FAM171A1: variants seen among roughly 807,000 people sequenced by gnomAD.
FAM171A1 encodes the protein family with sequence similarity 171 member A1.
Under a neutral mutation model 74.9 loss-of-function variants are expected in FAM171A1, and 23 were observed. That is an observed-to-expected ratio of 0.31 (90% confidence interval 0.22 to 0.44). The LOEUF (loss-of-function observed/expected upper bound fraction) is 0.44. Among genes scored for constraint, FAM171A1 ranks in the 20% least tolerant of loss-of-function variants. The pLI is 1.00. For synonymous variants in FAM171A1, 527 were observed against 505.7 expected (o/e 1.04, Z -0.57); for missense variants, 1,162 against 1,159.2 (o/e 1.00, Z -0.03).
intron 1 of FAM171A1, among the ~76,000 whole-genome samples, chr10:15,356,482 G>A (rs868219439): frequency 6.6e-6 from 1 of 152,080 alleles, no homozygotes. Flanking sequence ...GAAAAATATT[G>A]TCCATGGAAG....
intron 1 of FAM171A1, among the ~76,000 whole-genome samples, chr10:15,358,293 G>C (rs938965625): frequency 1.3e-5 from 2 of 152,014 alleles, no homozygotes; most frequent in Non-Finnish European, 2.9e-5. Context: ...TTTTTAAAAA[G>C]AAAGAAAAAT....
intron 5 of FAM171A1, among the ~76,000 whole-genome samples, chr10:15,224,840 G>C (rs1028346855): frequency 1.3e-5 from 2 of 152,120 alleles, no homozygotes; most frequent in African/African-American, 4.8e-5. Context: ...GACTAATACA[G>C]TCCCCAACCC....
At chr10:15,292,092 C>T (rs1482318380) in intron 1 of FAM171A1, among the ~76,000 whole-genome samples, 4 of 152,098 alleles carry the variant, frequency 2.6e-5, no homozygotes, top group African/African-American at 9.7e-5. Context: ...GGTGAGGGCT[C>T]ACCTTTTCAC....
intron 5 of FAM171A1, among the ~76,000 whole-genome samples, chr10:15,233,323 A>C (rs189135275): frequency 1.8e-4 from 28 of 151,660 alleles, no homozygotes; most frequent in African/African-American, 6.5e-4. Context: ...AAACAAAAAA[A>C]CATTTTTTTT....
rs559398047 is a variant in FAM171A1 at position 15,371,243 on chromosome 10, C to CGCG, written c.-194_-192dup. Among the ~76,000 whole-genome samples, 61,739 of 141,568 alleles carry CGCG rather than the reference C, an allele frequency of 0.44. 15,623 individuals carry two copies. The highest frequency in any genetic ancestry group is 0.68 in the East Asian group (2,974 of 4,386). The allele number at this position is 141,568 out of a possible 152,430, so 92.9% of individuals were successfully genotyped here. ...CCCGCGCCGGGTTTCCCCGAAGAGC[C>CGCG]GCGGCGGCGGCGGCGGCGGCGGCTG... On this transcript the variant is annotated 5_prime_UTR_variant, in exon 1 of 8. Coordinates refer to ENST00000378116, the MANE Select transcript of FAM171A1 (RefSeq NM_001010924.2).
intron 1 of FAM171A1, among the ~76,000 whole-genome samples, chr10:15,297,683 A>G (rs1339484583): frequency 1.3e-5 from 2 of 152,212 alleles, no homozygotes; most frequent in African/African-American, 4.8e-5. Flanking sequence ...TTTCTACTTT[A>G]TTTGAGTGAT....
chr10:15,217,254 A>G (rs566787452), intron 6 of FAM171A1, among the ~76,000 whole-genome samples: 1 of 152,292 alleles, frequency 6.6e-6, no homozygotes, highest in East Asian at 1.9e-4. Context: ...CCAACATTCC[A>G]ATATTTAGGT....
intron 5 of FAM171A1, among the ~76,000 whole-genome samples, chr10:15,228,630 C>T (rs79504176): frequency 0.042 from 6,353 of 152,262 alleles, 179 homozygotes; most frequent in East Asian, 0.18. Context: ...TGCAGGCGTG[C>T]GCCCCGCGCC....
At chr10:15,228,701 C>G (rs1024295792) in intron 5 of FAM171A1, among the ~76,000 whole-genome samples, 1 of 152,200 alleles carries the variant, frequency 6.6e-6, no homozygotes, top group Admixed American at 6.5e-5. Context: ...GAACACTGGG[C>G]AGATAAACAC....
chr10:15,301,820 A>T (rs1835233315), intron 1 of FAM171A1, among the ~76,000 whole-genome samples: 1 of 152,190 alleles, frequency 6.6e-6, no homozygotes, highest in Non-Finnish European at 1.5e-5. Context: ...AAACCATGCC[A>T]GGCTGGCTCA....
chr10:15,316,972 C>G (rs1835429429), intron 1 of FAM171A1, among the ~76,000 whole-genome samples: 1 of 151,872 alleles, frequency 6.6e-6, no homozygotes, highest in Non-Finnish European at 1.5e-5. Flanking sequence ...GATGCAAGGA[C>G]TGAAGAGTTC....
intron 6 of FAM171A1, among the ~76,000 whole-genome samples, chr10:15,219,073 A>C (rs780981835): frequency 4.3e-4 from 65 of 152,290 alleles, no homozygotes; most frequent in Middle Eastern, 3.4e-3. Flanking sequence ...ACCGGAGGTC[A>C]GAAGTTCAAG....
intron 2 of FAM171A1, among the ~76,000 whole-genome samples, chr10:15,280,944 G>T (rs1834960640): frequency 6.6e-6 from 1 of 152,192 alleles, no homozygotes; most frequent in Admixed American, 6.5e-5. Context: ...CTGCGTCCCT[G>T]CCCAAATCTC....
chr10:15,248,550 A>G, intron 5 of FAM171A1, 89 bp downstream of exon 5: 1 of 1,393,384 alleles, frequency 7.2e-7, no homozygotes, highest in Non-Finnish European at 9.7e-7. Flanking sequence ...ACTTCAAGGA[A>G]AGGAGACTTC....
chr10:15,214,174 T>C lies in FAM171A1; in HGVS notation c.1414A>G (p.Met472Val). 3.1e-6 allele frequency: 5 copies of C among 1,614,170 alleles called. No individual in the cohort carries two copies. The highest frequency in any genetic ancestry group is 1.3e-5 in the African/African-American group (1 of 75,038). Reference protein sequence around the residue: ...EVFPLKARKSMEREGYESSGN... With the variant: ...EVFPLKARKSVEREGYESSGN... The stretch of plus-strand genomic sequence containing the variant: ...GAGGACTCGTAGCCTTCTCTTTCCA[T>C]AGATTTTCTTGCCTTTAAGGGAAAA... The change falls in exon 8 of 8, where the codon ATG (methionine) becomes GTG (valine). Residue 472 changes from methionine (M) to valine (V), a missense_variant. Transcript: ENST00000378116.
intron 1 of FAM171A1, among the ~76,000 whole-genome samples, chr10:15,365,283 C>G (rs1049174594): frequency 6.6e-6 from 1 of 152,122 alleles, no homozygotes; most frequent in African/African-American, 2.4e-5. Flanking sequence ...AGCAGGAATG[C>G]CGGGCTGCAG....
chr10:15,304,301 T>C (rs747307582), intron 1 of FAM171A1, among the ~76,000 whole-genome samples: 2 of 152,198 alleles, frequency 1.3e-5, no homozygotes, highest in African/African-American at 2.4e-5. Context: ...ATGTAGGGAC[T>C]GCCCCTCCCA....
chr10:15,282,337 C>T (rs1009885539), intron 2 of FAM171A1, among the ~76,000 whole-genome samples: 2 of 152,124 alleles, frequency 1.3e-5, no homozygotes, highest in South Asian at 2.1e-4. Flanking sequence ...CAGCTTTGTT[C>T]GGGCATGAGT....
intron 1 of FAM171A1, among the ~76,000 whole-genome samples, chr10:15,355,113 G>A (rs1309515892): frequency 6.6e-6 from 1 of 152,198 alleles, no homozygotes; most frequent in African/African-American, 2.4e-5. Context: ...TTGCAACAGG[G>A]TCTTGCTCTG....
Sources: gnomAD v4.1 joint callset for allele counts (sites outside exome capture counted in the v4.1 genomes callset) on GRCh38, gnomAD v4.1.1 for gene constraint, MANE v1.5 for transcripts, NCBI Gene and HGNC (gene_info 2026-07-23, HGNC 2026-07-21) for gene names.